MTERF4: variants seen among roughly 807,000 people sequenced by gnomAD.
The protein encoded by MTERF4 is transcription termination factor 4, mitochondrial.
A neutral mutation model predicts 22.5 loss-of-function variants in MTERF4; 17 were observed. The ratio of observed to expected loss-of-function variants is 0.75; its 90% CI spans 0.52 to 1.13. The LOEUF (loss-of-function observed/expected upper bound fraction) is 1.13. Among genes scored for constraint, MTERF4 ranks in the 50% most tolerant of loss-of-function variants. MTERF4 has a pLI of 0.00. For missense variants in MTERF4, 420 were observed against 466.8 expected (o/e 0.90, Z 0.92); for synonymous variants, 165 against 175.3 (o/e 0.94, Z 0.47).
exon 5 of MTERF4, chr2:241,072,921 G>T (rs1332864880): frequency 2.9e-6 from 1 of 341,626 alleles, no homozygotes; most frequent in Middle Eastern, 8.0e-4. Context: ...AGAAGCAGGG[G>T]TGGAAGGAGA....
chr2:241,071,515 G>C, downstream of MTERF4: 1 of 1,536,654 alleles, frequency 6.5e-7, no homozygotes. Context: ...CATGCCACAG[G>C]GGCAGGGACA....
chr2:241,081,072 C>T (rs1405799153), intron 4 of MTERF4, among the ~76,000 whole-genome samples: 3 of 152,218 alleles, frequency 2.0e-5, no homozygotes, highest in Non-Finnish European at 2.9e-5. Flanking sequence ...GACCAGTCCT[C>T]GTGTCACTCG....
intron 4 of MTERF4, among the ~76,000 whole-genome samples, chr2:241,076,909 C>T (rs1369696191): frequency 1.3e-5 from 2 of 152,124 alleles, no homozygotes; most frequent in African/African-American, 4.8e-5. Flanking sequence ...GAAACCCCGT[C>T]TCTACTAAAA....
chr2:241,100,570 T>C (rs2064658398), intron 1 of MTERF4, among the ~76,000 whole-genome samples: 1 of 152,118 alleles, frequency 6.6e-6, no homozygotes, highest in Non-Finnish European at 1.5e-5. Flanking sequence ...GCTGAGGTAA[T>C]CCTCCCACCT....
chr2:241,063,453 A>G, the MTERF4 span: 1 of 691,972 alleles, frequency 1.4e-6, no homozygotes, highest in South Asian at 1.5e-5. Flanking sequence ...TGGAAGAAAA[A>G]GCACATGTCC....
the MTERF4 span, chr2:241,048,321 A>AT: frequency 6.2e-7 from 1 of 1,603,606 alleles, no homozygotes. Flanking sequence ...GCAGGAGACC[A>AT]TCCAGTGCCA....
At chr2:241,066,710 G>C in the MTERF4 span, among the ~76,000 whole-genome samples, 1 of 152,222 alleles carries the variant, frequency 6.6e-6, no homozygotes, top group Admixed American at 6.5e-5. Flanking sequence ...ACGTGAGTTT[G>C]GTGAAACCTA....
the MTERF4 span, chr2:241,050,041 C>T: frequency 4.7e-5 from 38 of 808,572 alleles, no homozygotes; most frequent in East Asian, 8.1e-4. Context: ...AATTGCTGAC[C>T]TCGTCTAGAG....
chr2:241,090,096 T>G, downstream of MTERF4: 1 of 1,503,728 alleles, frequency 6.7e-7, no homozygotes, highest in Non-Finnish European at 8.9e-7. Context: ...CTTTATACAT[T>G]TTTAATTTTT....
the MTERF4 span, chr2:241,064,025 C>T: frequency 1.7e-5 from 26 of 1,554,770 alleles, no homozygotes; most frequent in Admixed American, 5.8e-5. This position sits in a 1 kb window ranked among gnomAD's most constrained non-coding sequence, Gnocchi z 7.0. Context: ...TGGACGCCTG[C>T]GACTCCAGCC....
downstream of MTERF4, chr2:241,071,550 G>T: frequency 6.4e-7 from 1 of 1,568,826 alleles, no homozygotes; most frequent in East Asian, 2.3e-5. Context: ...CCCCAGACCA[G>T]CCCCTTCCTC....
In MTERF4 at chr2:241,102,265, C is replaced by A. The variant is rs764767572; in HGVS notation, c.9G>T (p.Ala3=). 10 of 1,549,640 alleles carry A rather than the reference C, an allele frequency of 6.5e-6. No homozygotes were observed. Among genetic ancestry groups the A allele is most frequent in the African/African-American group, 1.4e-5 (1 of 73,098 alleles). ...AGCTCGAGCTTACCTGACGGCCGAA[C>A]GCAGCCATAGCGCGGAGAAGATGGC... MA[A]FGRQVLDWHR... is the part of the protein sequence containing the mutation. The change falls in exon 1 of 4, where the codon GCG becomes GCT. Residue 3 remains alanine, a synonymous_variant. Coordinates refer to ENST00000391980, the MANE Select transcript of MTERF4 (RefSeq NM_182501.4).
downstream of MTERF4, chr2:241,082,305 A>T: frequency 6.2e-7 from 1 of 1,613,448 alleles, no homozygotes; most frequent in Non-Finnish European, 8.5e-7. Flanking sequence ...GCCCCTGCAC[A>T]AGGCTGTTCT....
chr2:241,087,030 C>T (rs574825151), downstream of MTERF4: 1 of 186,274 alleles, frequency 5.4e-6, no homozygotes, highest in Non-Finnish European at 1.1e-5. Context: ...CCCAGAAAAA[C>T]AGAAAAGCGA....
the MTERF4 span, chr2:241,053,100 G>A: frequency 6.5e-7 from 1 of 1,546,558 alleles, no homozygotes; most frequent in East Asian, 2.4e-5. Flanking sequence ...AGGGCGGTGG[G>A]GAGGGGCCAG....
the MTERF4 span, among the ~76,000 whole-genome samples, chr2:241,059,162 A>G: frequency 1.3e-5 from 2 of 152,236 alleles, no homozygotes; most frequent in South Asian, 4.1e-4. Flanking sequence ...GGGGAAATGG[A>G]TACCCTGAAA....
chr2:241,070,181 C>T (rs2062635732), downstream of MTERF4: 2 of 1,604,800 alleles, frequency 1.2e-6, no homozygotes, highest in East Asian at 4.5e-5. Flanking sequence ...AGCGAGCCCG[C>T]CCACCTCTAC....
At chr2:241,057,377 C>CAAAAAA in the MTERF4 span, among the ~76,000 whole-genome samples, 8 of 75,118 alleles carry the variant, frequency 1.1e-4, no homozygotes, top group African/African-American at 5.5e-4. Context: ...AACTCCATCT[C>CAAAAAA]AAAATATATA....
At chr2:241,052,499 C>A in the MTERF4 span, 1 of 1,490,970 alleles carries the variant, frequency 6.7e-7, no homozygotes. Context: ...AAGCAGGGTA[C>A]ATGGGATACC....
Sources: allele counts gnomAD v4.1 joint callset (sites outside exome capture counted in the v4.1 genomes callset), GRCh38; gene constraint gnomAD v4.1.1; non-coding constraint Gnocchi (gnomAD v3.1); transcripts MANE v1.5; gene names NCBI Gene and HGNC (gene_info 2026-07-23, HGNC 2026-07-21).